DNAJC1: variants seen among roughly 807,000 people sequenced by gnomAD.
DNAJC1 encodes dnaJ homolog subfamily C member 1.
In DNAJC1, 58 loss-of-function variants were observed where a neutral mutation model predicts 76.6. The observed-to-expected ratio is 0.76, with a 90% CI of 0.61 to 0.94. The LOEUF is 0.94. Among genes scored for constraint, DNAJC1 ranks in the 40% least tolerant of loss-of-function variants. The pLI, the probability that DNAJC1 is intolerant of heterozygous loss-of-function variation, is 0.00. For missense variants in DNAJC1, 689 were observed against 677.3 expected, an observed-to-expected ratio of 1.02 and a Z score of -0.19; for synonymous variants, 258 against 267.9, an observed-to-expected ratio of 0.96 and a Z score of 0.36.
At chr10:21,856,670 A>C (rs1401024641) in intron 8 of DNAJC1, among the ~76,000 whole-genome samples, 3 of 152,186 alleles carry the variant, frequency 2.0e-5, no homozygotes, top group Non-Finnish European at 4.4e-5. Flanking sequence ...GCTGGTTTAA[A>C]ATTGGTTACA....
chr10:21,780,844 G>A (rs990101172), intron 9 of DNAJC1, among the ~76,000 whole-genome samples: 2 of 152,154 alleles, frequency 1.3e-5, no homozygotes, highest in Non-Finnish European at 2.9e-5. Flanking sequence ...CTGTATTCAG[G>A]AGACCCATCT....
At chr10:21,934,803 A>C (rs372417920) in intron 1 of DNAJC1, among the ~76,000 whole-genome samples, 3 of 152,182 alleles carry the variant, frequency 2.0e-5, no homozygotes, top group African/African-American at 7.2e-5. Context: ...ATTTCTCAGA[A>C]TGCATCCTTG....
intron 8 of DNAJC1, among the ~76,000 whole-genome samples, chr10:21,808,212 C>A (rs1834911621): frequency 6.6e-6 from 1 of 152,000 alleles, no homozygotes; most frequent in Non-Finnish European, 1.5e-5. Context: ...AAATTGTCTA[C>A]AATGTCTAAA....
At chr10:21,967,764 C>T (rs574565717) in intron 1 of DNAJC1, among the ~76,000 whole-genome samples, 1 of 152,216 alleles carries the variant, frequency 6.6e-6, no homozygotes, top group South Asian at 2.1e-4. Context: ...ATTCTGCGGA[C>T]TCGAGTTTTC....
chr10:21,987,410 A>C (rs367870497), intron 1 of DNAJC1, among the ~76,000 whole-genome samples: 12 of 152,226 alleles, frequency 7.9e-5, no homozygotes, highest in African/African-American at 2.9e-4. Flanking sequence ...AAAGAGAGAC[A>C]GTATATACAA....
intron 9 of DNAJC1, among the ~76,000 whole-genome samples, chr10:21,777,420 T>C (rs1834466165): frequency 6.6e-6 from 1 of 152,208 alleles, no homozygotes. Flanking sequence ...TAGAGCATAA[T>C]GAGTCCTTGG....
intron 1 of DNAJC1, among the ~76,000 whole-genome samples, chr10:22,000,914 CT>C: frequency 6.6e-6 from 1 of 152,308 alleles, no homozygotes; most frequent in Non-Finnish European, 1.5e-5. Context: ...TGTTGAAAAG[CT>C]GTCCAGTTCA....
At chr10:21,918,190 T>TA (rs1311247820) in intron 6 of DNAJC1, among the ~76,000 whole-genome samples, 2 of 151,782 alleles carry the variant, frequency 1.3e-5, no homozygotes, top group African/African-American at 2.4e-5. Flanking sequence ...ATACTAAATG[T>TA]AAAAAAATAA....
chr10:21,983,453 A>G (rs901744613), intron 1 of DNAJC1, among the ~76,000 whole-genome samples: 4 of 152,138 alleles, frequency 2.6e-5, no homozygotes, highest in African/African-American at 9.7e-5. Context: ...GGCTGGATGC[A>G]GTGGCTCACA....
intron 4 of DNAJC1, 164 bp downstream of exon 4, chr10:21,920,634 T>C (rs1837026905): frequency 3.6e-6 from 2 of 560,458 alleles, no homozygotes; most frequent in East Asian, 3.5e-5. Flanking sequence ...TCTTATTTCA[T>C]GGGTTCTTCT....
At chr10:21,784,072 A>G (rs1724500158) in intron 9 of DNAJC1, among the ~76,000 whole-genome samples, 1 of 152,252 alleles carries the variant, frequency 6.6e-6, no homozygotes, top group Admixed American at 6.5e-5. Context: ...TAAGCTAAAC[A>G]GCTTCTGCAC....
intron 9 of DNAJC1, among the ~76,000 whole-genome samples, chr10:21,775,066 T>C (rs1280131858): frequency 6.6e-6 from 1 of 152,206 alleles, no homozygotes; most frequent in South Asian, 2.1e-4. Context: ...ATTTAGCTTA[T>C]CCATCACACA....
intron 1 of DNAJC1, among the ~76,000 whole-genome samples, chr10:21,961,862 TC>T (rs954574062): frequency 1.1e-4 from 16 of 152,138 alleles, no homozygotes; most frequent in Middle Eastern, 3.2e-3. Flanking sequence ...TGAACTCATA[TC>T]CCATCACTTT....
intron 8 of DNAJC1, among the ~76,000 whole-genome samples, chr10:21,858,976 T>G (rs1287009078): frequency 6.6e-6 from 1 of 152,170 alleles, no homozygotes; most frequent in Non-Finnish European, 1.5e-5. Flanking sequence ...GTTTTGGAAA[T>G]TGTAAAAAAA....
chr10:21,871,255 T>C (rs1272808407), intron 8 of DNAJC1, among the ~76,000 whole-genome samples: 1 of 151,610 alleles, frequency 6.6e-6, no homozygotes, highest in Non-Finnish European at 1.5e-5. Context: ...ATGTGCATGT[T>C]CAAGGCTGCG....
At chr10:21,839,083 T>C (rs953205634) in intron 8 of DNAJC1, among the ~76,000 whole-genome samples, 2 of 152,312 alleles carry the variant, frequency 1.3e-5, no homozygotes, top group South Asian at 2.1e-4. Flanking sequence ...CCAGAATCTC[T>C]GGGACACATT....
chr10:21,991,153 T>C (rs930378929), intron 1 of DNAJC1, among the ~76,000 whole-genome samples: 3 of 152,204 alleles, frequency 2.0e-5, no homozygotes, highest in African/African-American at 7.2e-5. Context: ...GAATATTTCA[T>C]AGCTAGCAAT....
At chr10:21,882,470 A>C in intron 7 of DNAJC1, 31 bp from the exon 8 acceptor site, 2 of 1,328,052 alleles carry the variant, frequency 1.5e-6, no homozygotes, top group African/African-American at 1.5e-5. Flanking sequence ...CCAATTATTG[A>C]GATTTTTAAA....
intron 1 of DNAJC1, among the ~76,000 whole-genome samples, chr10:21,936,889 C>T (rs1049923626): frequency 3.3e-5 from 5 of 151,952 alleles, no homozygotes; most frequent in South Asian, 2.1e-4. Context: ...ATATAATATA[C>T]AGAAAACAAA....
Sources: gnomAD v4.1 joint callset for allele counts (sites outside exome capture counted in the v4.1 genomes callset) on GRCh38, gnomAD v4.1.1 for gene constraint, MANE v1.5 for transcripts, NCBI Gene and HGNC (gene_info 2026-07-23, HGNC 2026-07-21) for gene names.